The following KATNAL2 variants were observed in gnomAD, a reference collection of about 807,000 sequenced individuals.
The protein encoded by KATNAL2 is katanin catalytic subunit A1 like 2.
In KATNAL2, 52 loss-of-function variants were observed where a neutral mutation model predicts 76.3. The ratio of observed to expected loss-of-function variants is 0.68; its 90% CI spans 0.55 to 0.86. The LOEUF is 0.86. KATNAL2 is among the 40% of genes least tolerant of loss of function. The pLI, the probability that KATNAL2 is intolerant of heterozygous loss-of-function variation, is 0.00. For synonymous variants in KATNAL2, 243 were observed against 244.2 expected (o/e 1.00, Z 0.05); for missense variants, 660 against 668.9 (o/e 0.99, Z 0.15).
chr18:47,078,856 T>C (rs1382448230), intron 15 of KATNAL2, among the ~76,000 whole-genome samples: 1 of 152,218 alleles, frequency 6.6e-6, no homozygotes, highest in Non-Finnish European at 1.5e-5. Flanking sequence ...AATAAGCTTA[T>C]AAGGGCTTTT....
intron 10 of KATNAL2, among the ~76,000 whole-genome samples, chr18:47,064,705 A>G (rs916703830): frequency 6.6e-6 from 1 of 152,164 alleles, no homozygotes; most frequent in Admixed American, 6.5e-5. Flanking sequence ...CATGACTATG[A>G]GGATAGAACT....
intron 15 of KATNAL2, among the ~76,000 whole-genome samples, chr18:47,086,375 G>A (rs545662609): frequency 6.6e-6 from 1 of 152,226 alleles, no homozygotes; most frequent in South Asian, 2.1e-4. Flanking sequence ...GGAGTGCAGT[G>A]GCACGATCTC....
chr18:46,933,997 A>G (rs1599349871), intron 1 of KATNAL2, among the ~76,000 whole-genome samples: 1 of 150,586 alleles, frequency 6.6e-6, no homozygotes, highest in Non-Finnish European at 1.5e-5. Context: ...TTATGGCTGC[A>G]TAGTATTCCA....
chr18:46,930,030 C>G (rs2058858279), intron 1 of KATNAL2, among the ~76,000 whole-genome samples: 1 of 151,886 alleles, frequency 6.6e-6, no homozygotes, highest in South Asian at 2.1e-4. Context: ...CCTCGTCGAC[C>G]CCCAAAGTGC....
chr18:46,922,101 CT>C (rs10714256), intron 1 of KATNAL2, among the ~76,000 whole-genome samples: 7,784 of 140,814 alleles, frequency 0.055, 469 homozygotes, highest in African/African-American at 0.17. Flanking sequence ...TTTTTCCTCA[CT>C]TTTTTTTTTT....
intron 1 of KATNAL2, among the ~76,000 whole-genome samples, chr18:46,937,303 C>CA (rs1334077446): frequency 6.6e-6 from 1 of 151,994 alleles, no homozygotes; most frequent in Admixed American, 6.6e-5. Flanking sequence ...TAAAGGTCAT[C>CA]AAAAACAAAG....
intron 1 of KATNAL2, among the ~76,000 whole-genome samples, chr18:46,925,441 C>T (rs550026684): frequency 1.3e-5 from 2 of 152,282 alleles, no homozygotes; most frequent in South Asian, 2.1e-4. Flanking sequence ...CCCACTTGAT[C>T]ATGGTGGATA....
intron 13 of KATNAL2, among the ~76,000 whole-genome samples, chr18:47,073,062 C>G (rs1224165243): frequency 6.6e-6 from 1 of 152,112 alleles, no homozygotes; most frequent in Non-Finnish European, 1.5e-5. Flanking sequence ...TCAGAGGGAA[C>G]AGACATCACC....
rs1374124186 is a variant in KATNAL2 at position 46,944,353 on chromosome 18, T to C, written c.-509-1704T>C. ...TAAGTAGTACAACAATAAAAATTAATACAAATAAAAAACGCGGTATAATGA... is the reference window on the plus strand; with the variant it reads ...TAAGTAGTACAACAATAAAAATTAACACAAATAAAAAACGCGGTATAATGA... On this transcript the variant is annotated intron_variant, in intron 1 of 17. Coordinates refer to ENST00000683218, the MANE Select transcript of KATNAL2 (RefSeq NM_001387690.1). 2.6e-5 allele frequency among the ~76,000 whole-genome samples: 4 copies of C among 152,318 alleles called. No individual in the cohort carries two copies. The East Asian group carries it at 7.7e-4, about 29-fold the overall frequency.
intron 13 of KATNAL2, among the ~76,000 whole-genome samples, chr18:47,074,268 C>A (rs760281065): frequency 6.6e-6 from 1 of 152,152 alleles, no homozygotes; most frequent in Non-Finnish European, 1.5e-5. Flanking sequence ...AATGTACCCA[C>A]GAGCAGTGGG....
chr18:47,033,816 CATGG>C, intron 3 of KATNAL2: 2 of 1,614,196 alleles, frequency 1.2e-6, no homozygotes, highest in Non-Finnish European at 1.7e-6. Flanking sequence ...CCTGGGAGGT[CATGG>C]AGTCAGAATC....
intron 15 of KATNAL2, among the ~76,000 whole-genome samples, chr18:47,080,974 CCCTT>C (rs936854828): frequency 8.6e-5 from 13 of 151,092 alleles, no homozygotes; most frequent in East Asian, 1.9e-4. Context: ...CATTCTGTAG[CCCTT>C]CCTTCCTTCC....
At chr18:46,947,087 G>A (rs1414375571) in intron 3 of KATNAL2, among the ~76,000 whole-genome samples, 164 bp downstream of exon 3, 1 of 152,234 alleles carries the variant, frequency 6.6e-6, no homozygotes, top group African/African-American at 2.4e-5. Context: ...CCCGGGCTGG[G>A]CTTGCAGCCG....
rs78870473 is a variant in KATNAL2 at position 46,952,547 on chromosome 18, G to A, written c.51+5624G>A. Among the ~76,000 whole-genome samples the A allele has an allele frequency of 2.1e-3, 320 of 151,892 alleles. 2 individuals are homozygous for A. The highest frequency in any genetic ancestry group is 7.3e-3 in the African/African-American group (301 of 41,434). ...CCCGAGTAGCTGGGACTCTAGGTGCGTACCACCACGCCCGGCTAACTTTTG... is the reference window on the plus strand; with the variant it reads ...CCCGAGTAGCTGGGACTCTAGGTGCATACCACCACGCCCGGCTAACTTTTG... On this transcript the variant is annotated intron_variant, in intron 3 of 17. Transcript: ENST00000683218.
intron 3 of KATNAL2, chr18:47,033,053 G>T: frequency 6.2e-7 from 1 of 1,614,138 alleles, no homozygotes; most frequent in Admixed American, 1.7e-5. Context: ...TTGGCCATCA[G>T]CGGGGCCACT....
intron 15 of KATNAL2, among the ~76,000 whole-genome samples, chr18:47,094,153 T>A (rs1355200413): frequency 1.3e-5 from 2 of 152,186 alleles, no homozygotes; most frequent in African/African-American, 2.4e-5. Context: ...CCACTTGCCA[T>A]CATGTGAAGA....
chr18:47,032,129 G>T (rs1210354242), intron 3 of KATNAL2, among the ~76,000 whole-genome samples: 12 of 152,208 alleles, frequency 7.9e-5, no homozygotes, highest in Admixed American at 6.5e-4. Flanking sequence ...TTTCATAGGG[G>T]TTCTGGGTGA....
chr18:47,034,310 T>A, intron 3 of KATNAL2: 1 of 1,613,226 alleles, frequency 6.2e-7, no homozygotes. Context: ...CCGTCTAGAC[T>A]GGGCCTCTTC....
intron 1 of KATNAL2, among the ~76,000 whole-genome samples, chr18:46,930,313 A>G (rs1414943355): frequency 1.3e-5 from 2 of 152,262 alleles, no homozygotes; most frequent in South Asian, 2.1e-4. Flanking sequence ...CTCTTTTTAC[A>G]TATCACTAAT....
Sources: gnomAD v4.1 joint callset for allele counts (sites outside exome capture counted in the v4.1 genomes callset) on GRCh38, gnomAD v4.1.1 for gene constraint, MANE v1.5 for transcripts, NCBI Gene and HGNC (gene_info 2026-07-23, HGNC 2026-07-21) for gene names.